Variants in SLC8A1 observed in about 807,000 individuals in gnomAD.
SLC8A1 encodes the protein sodium/calcium exchanger 1.
SLC8A1 carries 18 observed loss-of-function variants against 68.3 expected under a neutral mutation model. That is an observed-to-expected ratio of 0.26 (90% confidence interval 0.18 to 0.39). The LOEUF (loss-of-function observed/expected upper bound fraction) is 0.39, where lower values mean the gene tolerates loss of function less well. SLC8A1 is among the 10% of genes least tolerant of loss of function. The pLI, the probability that SLC8A1 is intolerant of heterozygous loss-of-function variation, is 1.00. For synonymous variants in SLC8A1, 475 were observed against 415.5 expected (o/e 1.14, Z -1.74); for missense variants, 985 against 1,156.7 (o/e 0.85, Z 2.15).
At chr2:40,391,126 A>T (rs1167351432) in intron 2 of SLC8A1, among the ~76,000 whole-genome samples, 2 of 150,644 alleles carry the variant, frequency 1.3e-5, no homozygotes, top group East Asian at 3.9e-4. Flanking sequence ...CCTGTTGAGC[A>T]TTCTATTCTC....
intron 2 of SLC8A1, among the ~76,000 whole-genome samples, chr2:40,300,125 G>A (rs983311862): frequency 6.6e-6 from 1 of 152,074 alleles, no homozygotes; most frequent in Non-Finnish European, 1.5e-5. Flanking sequence ...AGCCCTGAGG[G>A]CCCATGAAGA....
chr2:40,180,745 G>A (rs2148581655), intron 2 of SLC8A1, among the ~76,000 whole-genome samples: 1 of 152,238 alleles, frequency 6.6e-6, no homozygotes, highest in East Asian at 1.9e-4. Context: ...AACCCACCCT[G>A]CATCTCATCA....
chr2:40,176,034 G>A (rs2048415504), intron 3 of SLC8A1: 1 of 435,406 alleles, frequency 2.3e-6, no homozygotes. Flanking sequence ...TGGGTTGGGG[G>A]GAGGGGGACG....
chr2:40,408,459 T>C (rs962336725), intron 2 of SLC8A1, among the ~76,000 whole-genome samples: 3 of 152,164 alleles, frequency 2.0e-5, no homozygotes, highest in African/African-American at 4.8e-5. Context: ...ATTTTCTCCA[T>C]TCTCCTCCTA....
intron 2 of SLC8A1, among the ~76,000 whole-genome samples, chr2:40,221,241 A>G (rs184748292): frequency 6.4e-4 from 98 of 152,354 alleles, no homozygotes; most frequent in African/African-American, 2.3e-3. Context: ...GCAAATCAAT[A>G]AACATAATAC....
intron 1 of SLC8A1, among the ~76,000 whole-genome samples, chr2:40,441,995 G>C (rs1305629625): frequency 7.2e-6 from 1 of 139,046 alleles, no homozygotes; most frequent in Non-Finnish European, 1.5e-5. Flanking sequence ...ATCATTGTTG[G>C]ACATTTGGGT....
intron 2 of SLC8A1, among the ~76,000 whole-genome samples, chr2:40,276,034 GT>G (rs2066652623): frequency 1.3e-5 from 2 of 152,206 alleles, no homozygotes; most frequent in Admixed American, 1.3e-4. Flanking sequence ...TCAAAAAGTG[GT>G]ATGCAGCTAC....
At chr2:40,259,850 A>C (rs1248624415) in intron 2 of SLC8A1, among the ~76,000 whole-genome samples, 8 of 152,118 alleles carry the variant, frequency 5.3e-5, no homozygotes, top group Admixed American at 3.9e-4. Flanking sequence ...TTGGCCATGT[A>C]TCTTCTATTA....
chr2:40,227,978 T>C (rs2059192008), intron 2 of SLC8A1, among the ~76,000 whole-genome samples: 1 of 152,156 alleles, frequency 6.6e-6, no homozygotes, highest in African/African-American at 2.4e-5. Context: ...ATTCAGATCA[T>C]GCTGATGAAT....
At chr2:40,423,135 C>T (rs1228806864) in intron 2 of SLC8A1, among the ~76,000 whole-genome samples, 1 of 152,036 alleles carries the variant, frequency 6.6e-6, no homozygotes, top group African/African-American at 2.4e-5. Context: ...TCCCATTATA[C>T]AAAATGTACT....
At chr2:40,115,049 TC>T in exon 8 of SLC8A1, 1 of 316,586 alleles carries the variant, frequency 3.2e-6, no homozygotes. Context: ...TGGCCCTGCC[TC>T]CATGCCTTGT....
intron 2 of SLC8A1, among the ~76,000 whole-genome samples, chr2:40,244,960 G>A (rs2061668548): frequency 6.6e-6 from 1 of 152,160 alleles, no homozygotes. Flanking sequence ...AAGTGATAAG[G>A]AACCTAGGAA....
At chr2:40,288,851 A>ATATATATATATATATATATATATATATG in intron 2 of SLC8A1, among the ~76,000 whole-genome samples, 1 of 138,326 alleles carries the variant, frequency 7.2e-6, no homozygotes, top group African/African-American at 2.9e-5. Flanking sequence ...ATATATATAT[A>ATATATATATATATATATATATATATATG]TGTATATATA....
intron 2 of SLC8A1, among the ~76,000 whole-genome samples, chr2:40,182,417 C>T (rs398898): frequency 0.76 from 115,161 of 152,036 alleles, 44,361 homozygotes; most frequent in Middle Eastern, 0.84. Flanking sequence ...ACAAATCTTA[C>T]GATAGCATTG....
chr2:40,177,369 G>A (rs987362057), intron 3 of SLC8A1, among the ~76,000 whole-genome samples: 3 of 152,254 alleles, frequency 2.0e-5, no homozygotes, highest in Admixed American at 6.5e-5. Flanking sequence ...CTTTATTGAG[G>A]TATGATTGAT....
At chr2:40,269,405 G>A (rs1332781105) in intron 2 of SLC8A1, among the ~76,000 whole-genome samples, 2 of 152,090 alleles carry the variant, frequency 1.3e-5, no homozygotes, top group African/African-American at 2.4e-5. Flanking sequence ...GGATTTTTCT[G>A]TTGCTCTTTG....
chr2:40,358,725 T>A (rs1673547520), intron 2 of SLC8A1, among the ~76,000 whole-genome samples: 1 of 152,196 alleles, frequency 6.6e-6, no homozygotes, highest in Admixed American at 6.6e-5. Context: ...GCTAGGATTC[T>A]AAGTTTGAGA....
At chr2:40,379,468 C>T (rs369068449) in intron 2 of SLC8A1, among the ~76,000 whole-genome samples, 8 of 152,020 alleles carry the variant, frequency 5.3e-5, no homozygotes, top group Non-Finnish European at 7.4e-5. Flanking sequence ...TAAATACAGG[C>T]TTATCCATCC....
At chr2:40,387,047 A>G (rs891958232) in intron 2 of SLC8A1, among the ~76,000 whole-genome samples, 2 of 151,476 alleles carry the variant, frequency 1.3e-5, no homozygotes, top group African/African-American at 4.9e-5. Context: ...GTACATGAGC[A>G]TAACAACCTT....
Sources: allele counts gnomAD v4.1 joint callset (sites outside exome capture counted in the v4.1 genomes callset), GRCh38; gene constraint gnomAD v4.1.1; transcripts MANE v1.5; gene names NCBI Gene and HGNC (gene_info 2026-07-23, HGNC 2026-07-21).